GALNT18: variants seen among roughly 807,000 people sequenced by gnomAD.
GALNT18 encodes polypeptide N-acetylgalactosaminyltransferase 18, also known as GalNAc-transferase 18.
GALNT18 carries 44 observed loss-of-function variants against 69.5 expected under a neutral mutation model. That is an observed-to-expected ratio of 0.63 (90% CI 0.50 to 0.81). The LOEUF (loss-of-function observed/expected upper bound fraction) is 0.81. Among genes scored for constraint, GALNT18 ranks in the 40% least tolerant of loss-of-function variants. The pLI, the probability that GALNT18 is intolerant of heterozygous loss-of-function variation, is 0.00. For missense variants in GALNT18, 715 were observed against 810.0 expected (o/e 0.88, Z 1.42); for synonymous variants, 364 against 318.2 (o/e 1.14, Z -1.53).
rs987719688 is a variant in GALNT18 at position 11,469,988 on chromosome 11, A to T, written c.236-21052T>A. On this transcript the variant is annotated intron_variant, in intron 1 of 10. Coordinates refer to ENST00000227756, the MANE Select transcript of GALNT18 (RefSeq NM_198516.3). This position sits in a 1 kb window ranked among gnomAD's most constrained non-coding sequence, Gnocchi z 4.2. Reference sequence around the variant, plus strand: ...GGATTTTGTTCTTTGAATGAATTGAAGTCCTGTTTGCTTGCCTTTGTAACT... The same window carrying T: ...GGATTTTGTTCTTTGAATGAATTGATGTCCTGTTTGCTTGCCTTTGTAACT... Among the ~76,000 whole-genome samples the T allele has an allele frequency of 2.0e-5, 3 of 152,184 alleles. No individual in the cohort carries two copies. Among genetic ancestry groups the T allele is most frequent in the African/African-American group, 7.2e-5 (3 of 41,442 alleles).
chr11:11,376,341 C>T (rs905381033), intron 5 of GALNT18, among the ~76,000 whole-genome samples: 1 of 152,114 alleles, frequency 6.6e-6, no homozygotes, highest in African/African-American at 2.4e-5. Context: ...GAGATCACGC[C>T]ATTGCCCTCC....
chr11:11,526,157 A>T (rs1857520109), intron 1 of GALNT18, among the ~76,000 whole-genome samples: 1 of 152,220 alleles, frequency 6.6e-6, no homozygotes, highest in African/African-American at 2.4e-5. Context: ...TCAGGGATGT[A>T]TAAAGCCATA....
At chr11:11,452,517 A>T (rs1215058409) in intron 1 of GALNT18, among the ~76,000 whole-genome samples, 1 of 152,196 alleles carries the variant, frequency 6.6e-6, no homozygotes, top group African/African-American at 2.4e-5. Flanking sequence ...CCAGCTCTAG[A>T]AGATGCTGAC....
At chr11:11,343,973 C>T (rs56761281) in intron 6 of GALNT18, among the ~76,000 whole-genome samples, 6,243 of 152,222 alleles carry the variant, frequency 0.041, 371 homozygotes, top group African/African-American at 0.13. Flanking sequence ...CCTCCCTTGT[C>T]TAGGCCGTCG....
At chr11:11,334,675 C>T (rs1352305396) in intron 7 of GALNT18, among the ~76,000 whole-genome samples, 1 of 152,172 alleles carries the variant, frequency 6.6e-6, no homozygotes, top group Non-Finnish European at 1.5e-5. Flanking sequence ...CGACAAGGAG[C>T]TATTTCAGCT....
chr11:11,344,371 C>A (rs568748188), intron 6 of GALNT18, among the ~76,000 whole-genome samples: 11 of 152,222 alleles, frequency 7.2e-5, no homozygotes, highest in Non-Finnish European at 1.3e-4. Context: ...CACCCCCTTC[C>A]GCTAGGTTTA....
At chr11:11,365,004 T>G (rs1384724827) in intron 6 of GALNT18, among the ~76,000 whole-genome samples, 1 of 82,776 alleles carries the variant, frequency 1.2e-5, no homozygotes, top group Non-Finnish European at 2.3e-5. Flanking sequence ...AAGAGTTTTT[T>G]CTCTTTTTTC....
Position 11,338,357 on chromosome 11 carries a change from A to C in GALNT18, c.1278+2462T>G, listed in dbSNP as rs995296940. On this transcript the variant is annotated intron_variant, in intron 7 of 10. Coordinates refer to ENST00000227756, the MANE Select transcript of GALNT18 (RefSeq NM_198516.3). The surrounding 1 kb of genome is among the most constrained non-coding windows in gnomAD (Gnocchi z 5.3). The stretch of plus-strand genomic sequence containing the variant: ...GTATTGTAGAGGATAGATTTGAAGG[A>C]GATAAAGACTTGAGCCAGGAAAACC... Among the ~76,000 whole-genome samples the C allele has an allele frequency of 6.6e-6, 1 of 151,966 alleles. No individual in the cohort carries two copies. The highest frequency in any genetic ancestry group is 6.6e-5 in the Admixed American group (1 of 15,256).
At chr11:11,451,909 G>A (rs989599656) in intron 1 of GALNT18, among the ~76,000 whole-genome samples, 20 of 152,170 alleles carry the variant, frequency 1.3e-4, no homozygotes, top group African/African-American at 4.8e-4. Context: ...ACCAGGGGTG[G>A]CAAACCATGG....
chr11:11,432,023 T>C lies in GALNT18; in HGVS notation c.595+598A>G, dbSNP rs1316526304. Among the ~76,000 whole-genome samples the C allele has an allele frequency of 6.6e-6, 1 of 152,154 alleles. No homozygotes were observed. On this transcript the variant is annotated intron_variant, in intron 3 of 10. Transcript: ENST00000227756. This position sits in a 1 kb window ranked among gnomAD's most constrained non-coding sequence, Gnocchi z 5.8. The stretch of plus-strand genomic sequence containing the variant: ...AGTGCTGGAGAAAGAGAGTTAGTGA[T>C]TTGATGGCTTCAACAAGGTGTTTGC...
rs982811492 is a variant in GALNT18, at chr11:11,470,681, G to A, written c.236-21745C>T. Among the ~76,000 whole-genome samples the A allele has an allele frequency of 2.6e-5, 4 of 152,082 alleles. No individual in the cohort carries two copies. Among genetic ancestry groups the A allele is most frequent in the African/African-American group, 9.7e-5 (4 of 41,420 alleles). On this transcript the variant is annotated intron_variant, in intron 1 of 10. Coordinates refer to ENST00000227756, the MANE Select transcript of GALNT18 (RefSeq NM_198516.3). The surrounding 1 kb of genome is among the most constrained non-coding windows in gnomAD (Gnocchi z 4.8). ...ACCCCTTTCAGGCTCCACTAGCTGG[G>A]TCCCTTGGCAAATTCTCAGACCCCT... is the stretch of plus-strand genomic sequence containing the variant.
At chr11:11,274,135 G>A (rs773918500) in intron 10 of GALNT18, among the ~76,000 whole-genome samples, 11 of 152,160 alleles carry the variant, frequency 7.2e-5, no homozygotes, top group Non-Finnish European at 1.3e-4. Context: ...TGTACCGGGA[G>A]GAACAGTGCA....
chr11:11,423,741 G>T (rs551506514), intron 3 of GALNT18, among the ~76,000 whole-genome samples: 1 of 152,320 alleles, frequency 6.6e-6, no homozygotes, highest in South Asian at 2.1e-4. Flanking sequence ...CTGTTTAATG[G>T]TAAAGGGTGT....
chr11:11,443,195 A>T (rs114796803), intron 2 of GALNT18, among the ~76,000 whole-genome samples: 3,498 of 152,068 alleles, frequency 0.023, 141 homozygotes, highest in African/African-American at 0.079. Context: ...TGAGAAGCCC[A>T]CCTTCCCAAA....
At chr11:11,438,758 T>C (rs1263647859) in intron 2 of GALNT18, among the ~76,000 whole-genome samples, 3 of 151,652 alleles carry the variant, frequency 2.0e-5, no homozygotes, top group Non-Finnish European at 2.9e-5. Flanking sequence ...AATGAAGGAG[T>C]TGTTCCCAGG....
At chr11:11,272,888 C>A (rs768047141) in intron 10 of GALNT18, among the ~76,000 whole-genome samples, 3 of 152,178 alleles carry the variant, frequency 2.0e-5, no homozygotes, top group African/African-American at 7.2e-5. Context: ...CATGACCATT[C>A]CCATAGCAAC....
At position 11,271,239 on chromosome 11, in the gene GALNT18, T is replaced by TCTC; in HGVS notation, c.1726_1728dup (p.Glu576dup). 1.2e-6 allele frequency: 2 copies of TCTC among 1,614,070 alleles called. No individual in the cohort carries two copies. Among genetic ancestry groups the TCTC allele is most frequent in the Non-Finnish European group, 8.5e-7 (1 of 1,179,992 alleles). Reference sequence around the variant, plus strand: ...TGGAAGCCGAACTCCAGGTCGCTATTCTCCTGCAGCTCCAGACAGCGCTTA... The same window carrying TCTC: ...TGGAAGCCGAACTCCAGGTCGCTATTCTCCTCCTGCAGCTCCAGACAGCGCTTA... On this transcript the variant is annotated inframe_insertion, in exon 11 of 11. Transcript: ENST00000227756.
chr11:11,517,947 A>G (rs1472923113), intron 1 of GALNT18, among the ~76,000 whole-genome samples: 1 of 152,226 alleles, frequency 6.6e-6, no homozygotes, highest in East Asian at 1.9e-4. Flanking sequence ...ATAATGGTGC[A>G]TTGTAAGTCA....
chr11:11,421,049 G>C lies in GALNT18; in HGVS notation c.595+11572C>G, dbSNP rs1363470835. Among the ~76,000 whole-genome samples the C allele has an allele frequency of 6.6e-6, 1 of 152,200 alleles. No homozygotes were observed. The highest frequency in any genetic ancestry group is 1.5e-5 in the Non-Finnish European group (1 of 68,046). On this transcript the variant is annotated intron_variant, in intron 3 of 10. Coordinates refer to ENST00000227756, the MANE Select transcript of GALNT18 (RefSeq NM_198516.3). This position sits in a 1 kb window ranked among gnomAD's most constrained non-coding sequence, Gnocchi z 5.6. Reference sequence around the variant, plus strand: ...CAGGGAGCTCATGAGCAAAAAGAAGGAAGGTCCTTTGCCCTCCCAGGTGCT... The same window carrying C: ...CAGGGAGCTCATGAGCAAAAAGAAGCAAGGTCCTTTGCCCTCCCAGGTGCT...
Sources: gnomAD v4.1 joint callset for allele counts (sites outside exome capture counted in the v4.1 genomes callset) on GRCh38, gnomAD v4.1.1 for gene constraint, Gnocchi (gnomAD v3.1) non-coding constraint, MANE v1.5 for transcripts, NCBI Gene and HGNC (gene_info 2026-07-23, HGNC 2026-07-21) for gene names.